Variants in ZNRF2 observed in about 807,000 individuals in gnomAD.
ZNRF2 encodes the protein E3 ubiquitin-protein ligase ZNRF2.
ZNRF2 carries 16 observed loss-of-function variants against 20.4 expected under a neutral mutation model. The observed-to-expected ratio is 0.79, with a 90% CI of 0.53 to 1.19. ZNRF2 has a LOEUF of 1.19. Ranked by LOEUF, ZNRF2 falls within the 50% of genes most tolerant of loss-of-function variation. The pLI, the probability that ZNRF2 is intolerant of heterozygous loss-of-function variation, is 0.00. For synonymous variants in ZNRF2, 178 were observed against 144.9 expected (o/e 1.23, Z -1.64); for missense variants, 363 against 332.4 (o/e 1.09, Z -0.72).
Position 30,362,501 on chromosome 7 carries a change from T to C in ZNRF2, c.*22+45T>C, listed in dbSNP as rs146769458. On this transcript the variant is annotated intron_variant, in intron 4 of 4. Coordinates refer to ENST00000323037, the MANE Select transcript of ZNRF2 (RefSeq NM_147128.4). ...CTTTTTAAAGCGTTAGCCCAAATTA[T>C]ACATTCTAAACTATAATTTTTATTT... 1,397 of 1,207,706 alleles carry C rather than the reference T, an allele frequency of 1.2e-3. 7 individuals carry two copies. The African/African-American group carries it at 0.018, about 16-fold the overall frequency. 74.8% of individuals were successfully genotyped at this position (1,207,706 alleles called of 1,614,324 possible).
intron 2 of ZNRF2, among the ~76,000 whole-genome samples, chr7:30,332,085 T>A (rs1799643367): frequency 6.6e-6 from 1 of 152,194 alleles, no homozygotes; most frequent in African/African-American, 2.4e-5. Context: ...ATAGCAGTAC[T>A]TTGTACACAC....
At chr7:30,334,403 A>C (rs1019481414) in intron 2 of ZNRF2, among the ~76,000 whole-genome samples, 1 of 152,056 alleles carries the variant, frequency 6.6e-6, no homozygotes, top group African/African-American at 2.4e-5. Flanking sequence ...ATAGCCTTGT[A>C]GTATAGTTTG....
At chr7:30,365,817 T>C (rs1162896346) in intron 4 of ZNRF2, among the ~76,000 whole-genome samples, 4 of 152,182 alleles carry the variant, frequency 2.6e-5, no homozygotes, top group African/African-American at 9.7e-5. Context: ...ATTTTAAATC[T>C]CCGTGTGTGT....
chr7:30,356,132 T>C (rs1480277547), intron 3 of ZNRF2, among the ~76,000 whole-genome samples: 1 of 152,168 alleles, frequency 6.6e-6, no homozygotes, highest in Non-Finnish European at 1.5e-5. Context: ...GAAAATAAGC[T>C]AAGGGACAGT....
intron 1 of ZNRF2, among the ~76,000 whole-genome samples, chr7:30,317,803 T>C (rs1343318504): frequency 2.0e-5 from 3 of 152,200 alleles, no homozygotes; most frequent in Non-Finnish European, 4.4e-5. Flanking sequence ...AGAGTGTAGG[T>C]TCCTTATGGT....
At chr7:30,334,387 G>A (rs774560358) in intron 2 of ZNRF2, among the ~76,000 whole-genome samples, 5 of 152,060 alleles carry the variant, frequency 3.3e-5, no homozygotes, top group Non-Finnish European at 7.4e-5. Flanking sequence ...TGATGTTTCG[G>A]TTCCTATAGC....
chr7:30,358,167 G>A (rs554289087), intron 3 of ZNRF2, among the ~76,000 whole-genome samples: 1 of 152,188 alleles, frequency 6.6e-6, no homozygotes, highest in South Asian at 2.1e-4. Context: ...AAAAATAAAA[G>A]CTAACAATAA....
intron 2 of ZNRF2, among the ~76,000 whole-genome samples, chr7:30,339,898 A>G (rs984139253): frequency 6.6e-6 from 1 of 152,208 alleles, no homozygotes; most frequent in African/African-American, 2.4e-5. Context: ...ACCATTGAGC[A>G]TGGAATGTTT....
At chr7:30,291,617 TGAAAA>T (rs1285263106) in intron 1 of ZNRF2, among the ~76,000 whole-genome samples, 2 of 152,328 alleles carry the variant, frequency 1.3e-5, no homozygotes, top group South Asian at 4.1e-4. Context: ...GTATTAAAGA[TGAAAA>T]GAACAAGTTT....
At chr7:30,345,431 A>T (rs1344131750) in intron 2 of ZNRF2, among the ~76,000 whole-genome samples, 1 of 151,718 alleles carries the variant, frequency 6.6e-6, no homozygotes, top group Non-Finnish European at 1.5e-5. Flanking sequence ...CATGGTAAAT[A>T]TGTTGATTTA....
intron 3 of ZNRF2, among the ~76,000 whole-genome samples, chr7:30,360,752 A>T (rs1431005593): frequency 6.6e-6 from 1 of 152,226 alleles, no homozygotes; most frequent in Non-Finnish European, 1.5e-5. Flanking sequence ...GCAAATCTCA[A>T]ATTGAGCAAA....
At chr7:30,334,031 G>A (rs906802117) in intron 2 of ZNRF2, among the ~76,000 whole-genome samples, 25 of 152,060 alleles carry the variant, frequency 1.6e-4, no homozygotes, top group African/African-American at 5.5e-4. Context: ...TTTTTGTTGC[G>A]TTTGCCTTTG....
At chr7:30,307,843 A>G (rs1368802160) in intron 1 of ZNRF2, among the ~76,000 whole-genome samples, 1 of 152,202 alleles carries the variant, frequency 6.6e-6, no homozygotes, top group East Asian at 1.9e-4. Flanking sequence ...GTTAAAACTT[A>G]TAGTAGACTT....
chr7:30,341,844 T>C (rs1799799787), intron 2 of ZNRF2, among the ~76,000 whole-genome samples: 1 of 152,150 alleles, frequency 6.6e-6, no homozygotes. Context: ...ACTATTATTG[T>C]GTGGGAGTCT....
At chr7:30,310,449 G>T (rs1799274623) in intron 1 of ZNRF2, among the ~76,000 whole-genome samples, 1 of 152,202 alleles carries the variant, frequency 6.6e-6, no homozygotes, top group Non-Finnish European at 1.5e-5. Flanking sequence ...AGGCTTTGCA[G>T]ATCTTTTGGT....
chr7:30,310,885 T>TGTCCTGTCC (rs1562608786), intron 1 of ZNRF2, among the ~76,000 whole-genome samples: 12 of 142,608 alleles, frequency 8.4e-5, no homozygotes, highest in African/African-American at 3.1e-4. Flanking sequence ...CTGTCCTGTC[T>TGTCCTGTCC]TGTCCTGTCC....
chr7:30,333,486 C>T (rs907984157), intron 2 of ZNRF2, among the ~76,000 whole-genome samples: 2 of 152,118 alleles, frequency 1.3e-5, no homozygotes, highest in South Asian at 4.2e-4. Flanking sequence ...TATCCTGCCC[C>T]AGCCTTCCAA....
At chr7:30,313,849 G>A (rs1448854668) in intron 1 of ZNRF2, among the ~76,000 whole-genome samples, 1 of 152,128 alleles carries the variant, frequency 6.6e-6, no homozygotes, top group Non-Finnish European at 1.5e-5. Flanking sequence ...GAGGTTCCCT[G>A]GTGGCAGAAT....
rs563431260 is a variant in ZNRF2 at position 30,332,038 on chromosome 7, A to C, written c.565+8301A>C. ...TTCTGTAAATACACATAGCTGCCCA[A>C]AAGTAGCACCAATTTGTGTTTAAAT... On this transcript the variant is annotated intron_variant, in intron 2 of 4. Coordinates refer to ENST00000323037, the MANE Select transcript of ZNRF2 (RefSeq NM_147128.4). 4.6e-5 allele frequency among the ~76,000 whole-genome samples: 7 copies of C among 152,306 alleles called. No individual in the cohort carries two copies. The East Asian group carries it at 1.4e-3, about 29-fold the overall frequency.
Sources: gnomAD v4.1 joint callset for allele counts (sites outside exome capture counted in the v4.1 genomes callset) on GRCh38, gnomAD v4.1.1 for gene constraint, MANE v1.5 for transcripts, NCBI Gene and HGNC (gene_info 2026-07-23, HGNC 2026-07-21) for gene names.